SORT1: variants seen among roughly 807,000 people sequenced by gnomAD.
The protein encoded by SORT1 is sortilin.
Under a neutral mutation model 101.7 loss-of-function variants are expected in SORT1, and 39 were observed. The ratio of observed to expected loss-of-function variants is 0.38; its 90% CI spans 0.30 to 0.50. The LOEUF (loss-of-function observed/expected upper bound fraction) is 0.50, where lower values mean the gene tolerates loss of function less well. SORT1 is among the 20% of genes least tolerant of loss of function. The probability of loss-of-function intolerance (pLI) is 0.90; values close to 1 mark genes in which losing one functional copy is unlikely to be tolerated. For synonymous variants in SORT1, 396 were observed against 393.7 expected, an observed-to-expected ratio of 1.01 and a Z score of -0.07; for missense variants, 878 against 1,040.4, an observed-to-expected ratio of 0.84 and a Z score of 2.15.
intron 11 of SORT1, among the ~76,000 whole-genome samples, chr1:109,327,834 T>A (rs908068474): frequency 2.0e-5 from 3 of 152,226 alleles, no homozygotes; most frequent in Admixed American, 6.5e-5. Context: ...AATCACCAAT[T>A]AAGCAACTGT....
At chr1:109,355,118 G>A (rs1032815747) in intron 4 of SORT1, among the ~76,000 whole-genome samples, 2 of 152,138 alleles carry the variant, frequency 1.3e-5, no homozygotes, top group African/African-American at 4.8e-5. Flanking sequence ...CTACTCAAGT[G>A]ACTGAGGTGG....
At chr1:109,353,745 G>C (rs1321266757) in intron 5 of SORT1, among the ~76,000 whole-genome samples, 1 of 152,136 alleles carries the variant, frequency 6.6e-6, no homozygotes, top group Non-Finnish European at 1.5e-5. Flanking sequence ...TTATAGTCTA[G>C]CAACTCAGCC....
chr1:109,397,873 G>C lies in SORT1; in HGVS notation c.20C>G (p.Ala7Gly). 2 of 1,211,570 alleles carry C rather than the reference G, an allele frequency of 1.7e-6. No homozygotes were observed. The highest frequency in any genetic ancestry group is 2.1e-6 in the Non-Finnish European group (2 of 970,758). 75.1% of individuals were successfully genotyped at this position (1,211,570 alleles called of 1,614,324 possible). ...GGGCCAGCGCGAGAGGCCGTCCGCA[G>C]CTCCCCAGGGCCGCTCCATCGCCGC... MERPWG[A>G]ADGLSRWPHG... Residue 7 changes from alanine to glycine, a missense_variant, in exon 1 of 20, where the codon GCT (alanine) becomes GGT (glycine). Around this residue, in one of 2 missense-constraint regions of SORT1, gnomAD observed 194 missense variants for 145.9 expected, o/e 1.33. Transcript: ENST00000256637.
At chr1:109,373,796 T>A (rs1007384071) in intron 1 of SORT1, among the ~76,000 whole-genome samples, 9 of 152,144 alleles carry the variant, frequency 5.9e-5, no homozygotes, top group Admixed American at 4.6e-4. Context: ...TGAAAAATCA[T>A]CAGGTGGGTA....
Position 109,355,299 on chromosome 1 carries a change from T to C in SORT1, c.543+68A>G, listed in dbSNP as rs1050546591. The C allele has an allele frequency of 4.7e-5, 38 of 809,096 alleles. No homozygotes were observed. The African/African-American group carries it at 6.2e-4, about 13-fold the overall frequency. 50.1% of individuals were successfully genotyped at this position (809,096 alleles called of 1,614,324 possible). On this transcript the variant is annotated intron_variant, in intron 4 of 19. Transcript: ENST00000256637. ...ACTGTGAATCACTGGACCATGCCAATACTAATATCTGACAGCTCTGCATGT... is the reference window on the plus strand; with the variant it reads ...ACTGTGAATCACTGGACCATGCCAACACTAATATCTGACAGCTCTGCATGT...
intron 15 of SORT1, among the ~76,000 whole-genome samples, chr1:109,318,458 C>G (rs116149872): frequency 0.039 from 5,866 of 151,998 alleles, 165 homozygotes; most frequent in Non-Finnish European, 0.062. Flanking sequence ...CCAGAGAGGG[C>G]CTTATTAAGG....
Position 109,313,880 on chromosome 1 carries a change from C to A in SORT1, c.*163G>T. 2 of 526,022 alleles carry A rather than the reference C, an allele frequency of 3.8e-6. No individual in the cohort carries two copies. Among genetic ancestry groups the A allele is most frequent in the East Asian group, 3.6e-5 (1 of 27,650 alleles). 32.6% of individuals were successfully genotyped at this position (526,022 alleles called of 1,614,324 possible). ...AAGTGCTCAGGGTTCCCCACCCCCA[C>A]CCTGCATTTCTTTAGTGTAGGTCCT... On this transcript the variant is annotated 3_prime_UTR_variant, in exon 20 of 20. Coordinates refer to ENST00000256637, the MANE Select transcript of SORT1 (RefSeq NM_002959.7).
At chr1:109,344,870 T>G (rs1442912417) in intron 8 of SORT1, among the ~76,000 whole-genome samples, 1 of 152,034 alleles carries the variant, frequency 6.6e-6, no homozygotes, top group Admixed American at 6.6e-5. Context: ...CTAATTTTCT[T>G]ATTTTTTGTA....
At chr1:109,381,577 A>G (rs191011346) in intron 1 of SORT1, among the ~76,000 whole-genome samples, 135 of 152,270 alleles carry the variant, frequency 8.9e-4, no homozygotes, top group African/African-American at 3.1e-3. Flanking sequence ...TATGGTTACA[A>G]TGTTATCAGG....
At position 109,354,529 on chromosome 1, in the gene SORT1, C is replaced by G. The variant is rs767619805; in HGVS notation, c.546G>C (p.Val182=). The G allele has an allele frequency of 6.2e-7, 1 of 1,610,972 alleles. No individual in the cohort carries two copies. The highest frequency in any genetic ancestry group is 8.5e-7 in the Non-Finnish European group (1 of 1,177,730). Residue 182 remains valine, a splice_region_variant and synonymous_variant, in exon 5 of 20, where the codon GTG becomes GTC. Transcript: ENST00000256637. ...CTCCAGACACCTCTGCTGTTAACAC[C>G]ACCTGATAGGAAGAGGAAAGATCTG... ...MAIGPENSGK[V]VLTAEVSGGS...
intron 1 of SORT1, among the ~76,000 whole-genome samples, chr1:109,389,168 A>AT (rs1652755059): frequency 6.6e-6 from 1 of 152,314 alleles, no homozygotes; most frequent in East Asian, 1.9e-4. Flanking sequence ...GCTGTGACAC[A>AT]TCAGCAGGTT....
At chr1:109,376,163 T>C (rs1651826913) in intron 1 of SORT1, among the ~76,000 whole-genome samples, 1 of 151,828 alleles carries the variant, frequency 6.6e-6, no homozygotes, top group Non-Finnish European at 1.5e-5. Flanking sequence ...ACCCCGTCTC[T>C]ACTAAAAATA....
chr1:109,378,750 ATATATATATAT>A (rs1652035054), intron 1 of SORT1, among the ~76,000 whole-genome samples: 6 of 73,124 alleles, frequency 8.2e-5, no homozygotes, highest in Middle Eastern at 7.5e-3. Context: ...ATATATATAT[ATATATATATAT>A]AAAGATGTTA....
intron 1 of SORT1, among the ~76,000 whole-genome samples, chr1:109,384,018 C>A (rs550346419): frequency 1.2e-4 from 19 of 152,284 alleles, no homozygotes; most frequent in African/African-American, 4.6e-4. Context: ...GACAATCTTT[C>A]CAGTCTCTCT....
intron 1 of SORT1, among the ~76,000 whole-genome samples, chr1:109,381,210 T>C (rs920138106): frequency 6.6e-6 from 1 of 152,224 alleles, no homozygotes. Flanking sequence ...ATGTCATATG[T>C]TGGGGTGATT....
At chr1:109,373,432 C>T (rs918987042) in intron 1 of SORT1, among the ~76,000 whole-genome samples, 1 of 152,198 alleles carries the variant, frequency 6.6e-6, no homozygotes, top group African/African-American at 2.4e-5. Flanking sequence ...CATCAGCACA[C>T]GCATGTGAGG....
intron 15 of SORT1, among the ~76,000 whole-genome samples, chr1:109,320,978 T>C (rs1283236454): frequency 2.0e-5 from 3 of 152,178 alleles, no homozygotes; most frequent in Non-Finnish European, 2.9e-5. Context: ...TTCCCAAACA[T>C]GTGGGCTCTG....
Position 109,393,377 on chromosome 1 carries a change from G to A in SORT1, c.306+4210C>T, listed in dbSNP as rs557188276. On this transcript the variant is annotated intron_variant, in intron 1 of 19. Coordinates refer to ENST00000256637, the MANE Select transcript of SORT1 (RefSeq NM_002959.7). ...AAGTTTAAAAAGTTTTAAGGAAATT[G>A]TCAAATGGTCTGTACACAGGAATGA... The A allele has an allele frequency of 4.5e-6, 4 of 879,496 alleles. No individual in the cohort carries two copies. The Admixed American group carries it at 1.9e-4, about 41-fold the overall frequency. The allele number at this position is 879,496 out of a possible 1,614,324, so 54.5% of individuals were successfully genotyped here. A position where few individuals can be genotyped will look rare whatever the true frequency, so the allele number is the denominator to read the frequency against.
At chr1:109,372,422 C>T (rs575699032) in intron 1 of SORT1, among the ~76,000 whole-genome samples, 1 of 152,148 alleles carries the variant, frequency 6.6e-6, no homozygotes, top group Admixed American at 6.5e-5. Flanking sequence ...TCTTTAAGAA[C>T]TACTTATGAA....
Sources: allele counts gnomAD v4.1 joint callset (sites outside exome capture counted in the v4.1 genomes callset), GRCh38; gene constraint gnomAD v4.1.1; regional missense constraint gnomAD v4.1.1; transcripts MANE v1.5; gene names NCBI Gene and HGNC (gene_info 2026-07-23, HGNC 2026-07-21).